Variants in PCDHGB4 observed in about 807,000 individuals in gnomAD.
PCDHGB4 encodes the protein protocadherin gamma-B4.
A neutral mutation model predicts 60.5 loss-of-function variants in PCDHGB4; 38 were observed. That is an observed-to-expected ratio of 0.63 (90% CI 0.48 to 0.82). The LOEUF (loss-of-function observed/expected upper bound fraction) is 0.82, where lower values mean the gene tolerates loss of function less well. Ranked by LOEUF, PCDHGB4 falls within the 40% of genes least tolerant of loss-of-function variation. The probability of loss-of-function intolerance (pLI) is 0.00; values close to 1 mark genes in which losing one functional copy is unlikely to be tolerated. For synonymous variants in PCDHGB4, 456 were observed against 509.7 expected, an observed-to-expected ratio of 0.89 and a Z score of 1.42; for missense variants, 1,109 against 1,209.6, an observed-to-expected ratio of 0.92 and a Z score of 1.23.
At chr5:141,417,304 AG>A (rs1315238937) in intron 1 of PCDHGB4, 1 of 152,318 alleles carries the variant, frequency 6.6e-6, no homozygotes, top group East Asian at 1.9e-4. Context: ...CTCTGGATGG[AG>A]GAATTGGATA....
chr5:141,426,630 T>C, intron 1 of PCDHGB4: 1 of 398,080 alleles, frequency 2.5e-6, no homozygotes, highest in South Asian at 1.8e-5. Context: ...TCTAAATGTT[T>C]TTCACATAAA....
At chr5:141,470,723 G>T (rs1326927605) in intron 1 of PCDHGB4, among the ~76,000 whole-genome samples, 1 of 151,852 alleles carries the variant, frequency 6.6e-6, no homozygotes, top group East Asian at 1.9e-4. Flanking sequence ...TTTGAGTCAG[G>T]GTCTTGCTCT....
intron 1 of PCDHGB4, among the ~76,000 whole-genome samples, chr5:141,401,891 T>C (rs1196463391): frequency 6.6e-6 from 1 of 152,200 alleles, no homozygotes; most frequent in Non-Finnish European, 1.5e-5. Context: ...TTTTGTGTTC[T>C]TTTTCCCAAA....
intron 1 of PCDHGB4, chr5:141,393,946 A>G (rs1417125080): frequency 4.3e-6 from 7 of 1,613,892 alleles, no homozygotes; most frequent in Non-Finnish European, 4.2e-6. Context: ...GACTCTGGAA[A>G]GAATGGTCAA....
At position 141,444,152 on chromosome 5, in the gene PCDHGB4, A is replaced by ATT. The variant is rs747671382; in HGVS notation, c.2398-50620_2398-50619dup. ...GATATGTGTCACTTGTGTGTACTGG[A>ATT]TTTTTTTTTTTTTTTTTTTTTTTTT... On this transcript the variant is annotated intron_variant, in intron 1 of 3. Coordinates refer to ENST00000519479, the MANE Select transcript of PCDHGB4 (RefSeq NM_003736.4). Among the ~76,000 whole-genome samples, 286 of 33,894 alleles carry ATT rather than the reference A, an allele frequency of 8.4e-3. 107 individuals carry two copies. The highest frequency in any genetic ancestry group is 0.011 in the African/African-American group (76 of 7,180). The allele number at this position is 33,894 out of a possible 152,430, so 22.2% of individuals were successfully genotyped here. A position where few individuals can be genotyped will look rare whatever the true frequency, so the allele number is the denominator to read the frequency against.
chr5:141,401,189 A>G (rs2094126174), intron 1 of PCDHGB4, among the ~76,000 whole-genome samples: 1 of 152,144 alleles, frequency 6.6e-6, no homozygotes, highest in South Asian at 2.1e-4. Context: ...TAAAAATACA[A>G]AAATTAGCTG....
intron 1 of PCDHGB4, chr5:141,418,463 C>A (rs1046926260): frequency 1.2e-6 from 2 of 1,613,826 alleles, no homozygotes; most frequent in Non-Finnish European, 1.7e-6. Context: ...GACTCTGGAC[C>A]GAGAAACGCA....
intron 1 of PCDHGB4, among the ~76,000 whole-genome samples, chr5:141,481,300 GA>G (rs998363845): frequency 3.3e-5 from 5 of 152,248 alleles, no homozygotes; most frequent in African/African-American, 1.2e-4. Context: ...TCATCTAAGG[GA>G]AAAACCTTCC....
intron 1 of PCDHGB4, among the ~76,000 whole-genome samples, chr5:141,472,711 C>T (rs1014451209): frequency 4.6e-5 from 7 of 151,904 alleles, no homozygotes; most frequent in Admixed American, 2.0e-4. Context: ...ACAGGCCAGG[C>T]GCTGTGGCTC....
chr5:141,510,568 G>C (rs2099881703), intron 3 of PCDHGB4, among the ~76,000 whole-genome samples: 1 of 152,100 alleles, frequency 6.6e-6, no homozygotes, highest in Non-Finnish European at 1.5e-5. Context: ...CATCTACCAG[G>C]CACTATTTTA....
chr5:141,413,815 C>T (rs1357769705), intron 1 of PCDHGB4: 11 of 1,613,224 alleles, frequency 6.8e-6, no homozygotes, highest in Non-Finnish European at 8.5e-6. Flanking sequence ...CATTCACCAC[C>T]TGGTCCTCAC....
Position 141,403,985 on chromosome 5 carries a change from C to T in PCDHGB4, c.2397+13704C>T, listed in dbSNP as rs765326042. The T allele has an allele frequency of 5.7e-5, 92 of 1,613,546 alleles. No individual in the cohort carries two copies. The Admixed American group carries it at 7.2e-4, about 13-fold the overall frequency. On this transcript the variant is annotated intron_variant, in intron 1 of 3. Coordinates refer to ENST00000519479, the MANE Select transcript of PCDHGB4 (RefSeq NM_003736.4). ...GGTGGAAGATGTAAATGACAATAGA[C>T]CTGAAGTGACCATTACATCTCTGTT...
At position 141,431,468 on chromosome 5, in the gene PCDHGB4, G is replaced by A. The variant is rs756718016; in HGVS notation, c.2397+41187G>A. ...CCGCGTGATGGTTCTGGATGCGAAC[G>A]ACAACGCACCAGCGTTTGCTCAGCC... On this transcript the variant is annotated intron_variant, in intron 1 of 3. Transcript: ENST00000519479. This position sits in a 1 kb window ranked among gnomAD's most constrained non-coding sequence, Gnocchi z 4.8. The A allele has an allele frequency of 3.7e-6, 6 of 1,613,804 alleles. No homozygotes were observed. In the Admixed American group the frequency reaches 8.3e-5, roughly 22 times the overall value.
chr5:141,396,829 A>G (rs1216305888), intron 1 of PCDHGB4, among the ~76,000 whole-genome samples: 1 of 152,206 alleles, frequency 6.6e-6, no homozygotes, highest in African/African-American at 2.4e-5. Context: ...GTGCATATTC[A>G]GTGGAGTGGG....
At chr5:141,474,252 A>T (rs1381172188) in intron 1 of PCDHGB4, among the ~76,000 whole-genome samples, 1 of 152,200 alleles carries the variant, frequency 6.6e-6, no homozygotes, top group Non-Finnish European at 1.5e-5. Flanking sequence ...GGAAAAAAAG[A>T]CTGATAAACC....
At chr5:141,482,943 G>T (rs2099574928) in intron 1 of PCDHGB4, among the ~76,000 whole-genome samples, 1 of 152,086 alleles carries the variant, frequency 6.6e-6, no homozygotes, top group Non-Finnish European at 1.5e-5. Context: ...TGTGGTTGTG[G>T]GTGCCTGTAA....
rs764337284 is a variant in PCDHGB4, at chr5:141,490,255, G to A, written c.2398-4552G>A. Reference sequence around the variant, plus strand: ...GGAGGGCCACTGTGTGATTCAAGTGGATGTGGGGGATGTCAATGACAATGC... The same window carrying A: ...GGAGGGCCACTGTGTGATTCAAGTGAATGTGGGGGATGTCAATGACAATGC... On this transcript the variant is annotated intron_variant, in intron 1 of 3. Transcript: ENST00000519479. The surrounding 1 kb of genome is among the most constrained non-coding windows in gnomAD (Gnocchi z 5.4). 6 of 1,614,118 alleles carry A rather than the reference G, an allele frequency of 3.7e-6. No individual in the cohort carries two copies. In the Admixed American group the frequency reaches 6.7e-5, roughly 18 times the overall value.
chr5:141,393,896 T>C lies in PCDHGB4; in HGVS notation c.2397+3615T>C, dbSNP rs754023896. 3.1e-6 allele frequency: 5 copies of C among 1,613,942 alleles called. No homozygotes were observed. In the East Asian group the frequency reaches 1.1e-4, roughly 36 times the overall value. On this transcript the variant is annotated intron_variant, in intron 1 of 3. Coordinates refer to ENST00000519479, the MANE Select transcript of PCDHGB4 (RefSeq NM_003736.4). Reference sequence around the variant, plus strand: ...TTAGCCCAGTGTTAGAAAATTCTCTTCCCGGGACAGTAATTGCCTTCTTGA... The same window carrying C: ...TTAGCCCAGTGTTAGAAAATTCTCTCCCCGGGACAGTAATTGCCTTCTTGA...
At chr5:141,391,305 T>G (rs2092341171) in intron 1 of PCDHGB4, 1 of 151,546 alleles carries the variant, frequency 6.6e-6, no homozygotes, top group Non-Finnish European at 1.5e-5. Context: ...GTCTTTCGAT[T>G]CTTTTTTTTT....
Sources: gnomAD v4.1 joint callset for allele counts (sites outside exome capture counted in the v4.1 genomes callset) on GRCh38, gnomAD v4.1.1 for gene constraint, Gnocchi (gnomAD v3.1) non-coding constraint, MANE v1.5 for transcripts, NCBI Gene and HGNC (gene_info 2026-07-23, HGNC 2026-07-21) for gene names.